Variants in ZWINT observed in about 807,000 individuals in gnomAD.
The protein encoded by ZWINT is outer kinetochore KNL1 complex subunit ZWINT.
Under a neutral mutation model 41.5 loss-of-function variants are expected in ZWINT, and 41 were observed. That is an observed-to-expected ratio of 0.99 (90% CI 0.77 to 1.28). The LOEUF is 1.28. ZWINT is among the 50% of genes most tolerant of loss of function. The probability of loss-of-function intolerance (pLI) is 0.00; values close to 1 mark genes in which losing one functional copy is unlikely to be tolerated. For synonymous variants in ZWINT, 132 were observed against 126.8 expected (o/e 1.04, Z -0.28); for missense variants, 369 against 329.7 (o/e 1.12, Z -0.92).
At chr10:56,359,570 A>AT (rs1364914810) in intron 4 of ZWINT, 38 bp from the exon 5 acceptor site, 4 of 1,564,112 alleles carry the variant, frequency 2.6e-6, no homozygotes, top group East Asian at 2.2e-5. Flanking sequence ...AGAGAAGTCT[A>AT]TTTTTTCTGG....
intron 5 of ZWINT, among the ~76,000 whole-genome samples, 195 bp from the exon 6 acceptor site, chr10:56,359,142 T>C (rs957857669): frequency 6.6e-6 from 1 of 152,120 alleles, no homozygotes; most frequent in African/African-American, 2.4e-5. Context: ...GAGGCATTCT[T>C]GCGGGGAAGG....
In ZWINT at chr10:56,358,464, G is replaced by A. The variant is rs1308962624; in HGVS notation, c.793-5C>T. ...AGCAGGTTGTAGACCAACAGCCTTG[G>A]AGAAATACAGTATAGACAGTGGGTA... On this transcript the variant is annotated splice_polypyrimidine_tract_variant and splice_region_variant and intron_variant, in intron 7 of 8. Coordinates refer to ENST00000373944, the MANE Select transcript of ZWINT (RefSeq NM_007057.4). 6 of 1,613,950 alleles carry A rather than the reference G, an allele frequency of 3.7e-6. No individual in the cohort carries two copies. The highest frequency in any genetic ancestry group is 1.1e-5 in the South Asian group (1 of 91,074).
chr10:56,361,187 A>G lies in ZWINT; in HGVS notation c.41+9T>C, dbSNP rs1233235440. Reference sequence around the variant, plus strand: ...CGGCCCCAGCTGCCACTTAGCCGCAAACACTTACTCTAGGGCTGCAGCTTC... The same window carrying G: ...CGGCCCCAGCTGCCACTTAGCCGCAGACACTTACTCTAGGGCTGCAGCTTC... On this transcript the variant is annotated intron_variant, in intron 1 of 8. Transcript: ENST00000373944. 6.2e-7 allele frequency: 1 copy of G among 1,613,176 alleles called. No homozygotes were observed. Among genetic ancestry groups the G allele is most frequent in the Non-Finnish European group, 8.5e-7 (1 of 1,179,958 alleles).
At chr10:56,358,973 T>C (rs773995041) in intron 5 of ZWINT, 26 bp from the exon 6 acceptor site, 16 of 1,612,338 alleles carry the variant, frequency 9.9e-6, no homozygotes, top group Non-Finnish European at 1.4e-5. Context: ...ATGCAGACAT[T>C]ATGCATCAGA....
Position 56,360,160 on chromosome 10 carries a change from G to A in ZWINT, c.133-19C>T. The A allele has an allele frequency of 6.2e-7, 1 of 1,613,598 alleles. No homozygotes were observed. Among genetic ancestry groups the A allele is most frequent in the Non-Finnish European group, 8.5e-7 (1 of 1,179,992 alleles). On this transcript the variant is annotated intron_variant, in intron 2 of 8. Transcript: ENST00000373944. ...GAGAGTCCTGCTCAGAGGGAGGGCA[G>A]AGACAGGGAACATCCTTACCTCCTT...
Position 56,357,353 on chromosome 10 carries a change from A to G in ZWINT, c.*874T>C, listed in dbSNP as rs1223736143. The G allele has an allele frequency of 6.6e-6, 1 of 152,198 alleles. No homozygotes were observed. Among genetic ancestry groups the G allele is most frequent in the Non-Finnish European group, 1.5e-5 (1 of 68,004 alleles). The allele number at this position is 152,198 out of a possible 1,614,324, so 9.4% of individuals were successfully genotyped here. On this transcript the variant is annotated 3_prime_UTR_variant, in exon 9 of 9. Coordinates refer to ENST00000373944, the MANE Select transcript of ZWINT (RefSeq NM_007057.4). ...TAGAAGACCAAATTATTTTTCAAAG[A>G]AATTTATGAATCAATGAAATAATTA...
At position 56,359,819 on chromosome 10, in the gene ZWINT, T is replaced by C. The variant is rs1589337775; in HGVS notation, c.291A>G (p.Lys97=). 1.9e-6 allele frequency: 3 copies of C among 1,614,160 alleles called. No homozygotes were observed. The highest frequency in any genetic ancestry group is 2.2e-5 in the East Asian group (1 of 44,854). ...QKAIAAKEQW[K]ELKATYREHV... Reference sequence around the variant, plus strand: ...GCTCCCTGTAGGTGGCCTTCAGCTCTTTCCATTGTTCCTTAGCTGCAATTG... The same window carrying C: ...GCTCCCTGTAGGTGGCCTTCAGCTCCTTCCATTGTTCCTTAGCTGCAATTG... The change falls in exon 4 of 9, where the codon AAA becomes AAG. Residue 97 remains lysine (K), a synonymous_variant. Transcript: ENST00000373944.
At chr10:56,360,227 A>T (rs1838293433) in intron 2 of ZWINT, 66 bp downstream of exon 2, 1 of 1,611,058 alleles carries the variant, frequency 6.2e-7, no homozygotes, top group Non-Finnish European at 8.5e-7. Context: ...GCTGCCCTGT[A>T]TCTCAGTAAG....
Position 56,358,447 on chromosome 10 carries a change from G to A in ZWINT, c.805C>T (p.Gln269Ter). 2 of 1,614,110 alleles carry A rather than the reference G, an allele frequency of 1.2e-6. No individual in the cohort carries two copies. Among genetic ancestry groups the A allele is most frequent in the Non-Finnish European group, 1.7e-6 (2 of 1,180,022 alleles). ...GGCAAATTTACATCTCCAGCAGGTT[G>A]TAGACCAACAGCCTTGGAGAAATAC... Reference protein sequence around the residue: ...PGVSFKAVGLQPAGDVNLP With the variant: ...PGVSFKAVGL Residue 269 changes from glutamine (Q) to a stop codon, truncating the protein, a stop_gained, in exon 8 of 9, where the codon CAA becomes TAA. Transcript: ENST00000373944. LOFTEE classifies it high-confidence loss of function.
At chr10:56,359,911 C>A (rs1039063952) in intron 3 of ZWINT, 58 bp from the exon 4 acceptor site, 22 of 1,606,332 alleles carry the variant, frequency 1.4e-5, no homozygotes, top group South Asian at 4.4e-5. Flanking sequence ...AGCCTGCCTC[C>A]CTGCAACACT....
rs77718558 is a variant in ZWINT at position 56,359,992 on chromosome 10, G to A, written c.256+26C>T. 2.5e-5 allele frequency: 40 copies of A among 1,612,608 alleles called. No individual in the cohort carries two copies. The African/African-American group carries it at 4.8e-4, about 19-fold the overall frequency. On this transcript the variant is annotated intron_variant, in intron 3 of 8. Transcript: ENST00000373944. ...CCTTCCTTCCCCACTCAGGTCAGCT[G>A]CTACTACAATCCCCTGCCTACTCAC...
At position 56,358,698 on chromosome 10, in the gene ZWINT, T is replaced by A; in HGVS notation, c.650A>T (p.Tyr217Phe). ...QRYQTFLQLL[Y>F]TLQGKLLFPE... ...GAACAACAGCTTACCCTGCAGGGTA[T>A]ACAGAAGCTGGAGGAAGGTCTGATA... Residue 217 changes from tyrosine to phenylalanine, a missense_variant, in exon 7 of 9, where the codon TAT (tyrosine) becomes TTT (phenylalanine). Physicochemically the swap from Tyr to Phe is conservative, Grantham distance 22 (BLOSUM62 3). Coordinates refer to ENST00000373944, the MANE Select transcript of ZWINT (RefSeq NM_007057.4). 9 of 1,614,112 alleles carry A rather than the reference T, an allele frequency of 5.6e-6. No homozygotes were observed. The highest frequency in any genetic ancestry group is 7.6e-6 in the Non-Finnish European group (9 of 1,180,028).
At position 56,360,755 on chromosome 10, in the gene ZWINT, C is replaced by T. The variant is rs1055687176; in HGVS notation, c.42-372G>A. Among the ~76,000 whole-genome samples, 8 of 152,308 alleles carry T rather than the reference C, an allele frequency of 5.3e-5. No homozygotes were observed. In the East Asian group the frequency reaches 9.7e-4, roughly 18 times the overall value. On this transcript the variant is annotated intron_variant, in intron 1 of 8. Transcript: ENST00000373944. The stretch of plus-strand genomic sequence containing the variant: ...AGAATGCTGGGCCTTGGGATCCCTC[C>T]TGGCGCTGAGCACCAGCCTTGGGGC...
rs1477173407 is a variant in ZWINT at position 56,358,630 on chromosome 10, G to C, written c.718C>G (p.Pro240Ala). 1 of 1,614,084 alleles carries C rather than the reference G, an allele frequency of 6.2e-7. No individual in the cohort carries two copies. The highest frequency in any genetic ancestry group is 2.2e-5 in the East Asian group (1 of 44,870). Residue 240 changes from proline to alanine, a missense_variant, in exon 7 of 9, where the codon CCC becomes GCC. Pro to Ala is a conservative substitution (Grantham distance 27). Transcript: ENST00000373944. ...TCCTGGGGTCGAGTCGGCTGCTGGGGTTTATCATCTGGAAGATTCTCTGCC... is the reference window on the plus strand; with the variant it reads ...TCCTGGGGTCGAGTCGGCTGCTGGGCTTTATCATCTGGAAGATTCTCTGCC... Reference protein sequence around the residue: ...AEAENLPDDKPQQPTRPQEQS... With the variant: ...AEAENLPDDKAQQPTRPQEQS...
In ZWINT at chr10:56,359,795, C is replaced by T; in HGVS notation, c.315G>A (p.Glu105=). The change falls in exon 4 of 9, where the codon GAG becomes GAA. Residue 105 remains glutamate (E), a synonymous_variant. Transcript: ENST00000373944. ...QWKELKATYR[E]HVEAIKIGLT... ...GGCCAATTTTGATGGCCTCTACGTG[C>T]TCCCTGTAGGTGGCCTTCAGCTCTT... 1 of 1,614,166 alleles carries T rather than the reference C, an allele frequency of 6.2e-7. No homozygotes were observed. The highest frequency in any genetic ancestry group is 8.5e-7 in the Non-Finnish European group (1 of 1,180,034).
Position 56,357,244 on chromosome 10 carries a change from T to G in ZWINT, c.*983A>C, listed in dbSNP as rs545937199. The G allele has an allele frequency of 6.6e-6, 1 of 152,156 alleles. No homozygotes were observed. Among genetic ancestry groups the G allele is most frequent in the African/African-American group, 2.4e-5 (1 of 41,460 alleles). The allele number at this position is 152,156 out of a possible 1,614,324, so 9.4% of individuals were successfully genotyped here. The stretch of plus-strand genomic sequence containing the variant: ...CATCACTCTTTATCAGTAAAAAAGA[T>G]AATTCACTCACCAAATTTCAAAGTT... On this transcript the variant is annotated 3_prime_UTR_variant, in exon 9 of 9. Transcript: ENST00000373944.
At chr10:56,359,876 A>G in intron 3 of ZWINT, 23 bp from the exon 4 acceptor site, 8 of 1,611,134 alleles carry the variant, frequency 5.0e-6, no homozygotes, top group Non-Finnish European at 6.8e-6. Flanking sequence ...ACCAGGAATG[A>G]GTACATGAGT....
rs1370341542 is a variant in ZWINT at position 56,357,582 on chromosome 10, T to C, written c.*645A>G. The C allele has an allele frequency of 6.3e-6, 1 of 157,586 alleles. No homozygotes were observed. Among genetic ancestry groups the C allele is most frequent in the East Asian group, 1.9e-4 (1 of 5,238 alleles). The allele number at this position is 157,586 out of a possible 1,614,324, so 9.8% of individuals were successfully genotyped here. ...AAAGTGGGAAAGATCAAGGTATCAC[T>C]AGAGGTCAATGAAACAAAACATACA... On this transcript the variant is annotated 3_prime_UTR_variant, in exon 9 of 9. Transcript: ENST00000373944.
At chr10:56,358,488 T>A (rs369799232) in intron 7 of ZWINT, 29 bp from the exon 8 acceptor site, 2 of 1,613,974 alleles carry the variant, frequency 1.2e-6, no homozygotes, top group Non-Finnish European at 1.7e-6. Context: ...AGACAGTGGG[T>A]AAGGCCAATC....
Sources: allele counts gnomAD v4.1 joint callset (sites outside exome capture counted in the v4.1 genomes callset), GRCh38; gene constraint gnomAD v4.1.1; transcripts MANE v1.5; gene names NCBI Gene and HGNC (gene_info 2026-07-23, HGNC 2026-07-21).